RAB8B: variants seen among roughly 807,000 people sequenced by gnomAD.
RAB8B encodes ras-related protein Rab-8B.
RAB8B carries 11 observed loss-of-function variants against 32.0 expected under a neutral mutation model. The observed-to-expected ratio is 0.34, with a 90% CI of 0.22 to 0.57. The LOEUF is 0.57. Ranked by LOEUF, RAB8B falls within the 20% of genes least tolerant of loss-of-function variation. The pLI is 0.86. For missense variants in RAB8B, 190 were observed against 258.5 expected (o/e 0.73, Z 1.82); for synonymous variants, 103 against 89.6 (o/e 1.15, Z -0.85).
At chr15:63,223,721 GTGACTGTACTTGGTTGTTAAGTGACACA>G (rs1253403172) in intron 1 of RAB8B, 4 of 250,630 alleles carry the variant, frequency 1.6e-5, no homozygotes, top group Admixed American at 1.4e-4. Context: ...TAAGTGACAC[GTGACTGTACTTGGTTGTTAAGTGACACA>G]TGACTGTATT....
At chr15:63,234,059 T>C (rs1043214901) in intron 1 of RAB8B, among the ~76,000 whole-genome samples, 6 of 152,116 alleles carry the variant, frequency 3.9e-5, no homozygotes, top group Admixed American at 1.3e-4. Flanking sequence ...AAAACCTTAG[T>C]TGAAGGTCCC....
At position 63,259,058 on chromosome 15, in the gene RAB8B, T is replaced by G. The variant is rs985301197; in HGVS notation, c.415-569T>G. On this transcript the variant is annotated intron_variant, in intron 5 of 7. Coordinates refer to ENST00000321437, the MANE Select transcript of RAB8B (RefSeq NM_016530.3). The surrounding 1 kb of genome is among the most constrained non-coding windows in gnomAD (Gnocchi z 4.4). ...TAGGAGGGTGGGTATTTATCCCATATTAGAGAACTAAAAGTACAAAAACAG... is the reference window on the plus strand; with the variant it reads ...TAGGAGGGTGGGTATTTATCCCATAGTAGAGAACTAAAAGTACAAAAACAG... Among the ~76,000 whole-genome samples the G allele has an allele frequency of 2.6e-4, 39 of 152,220 alleles. No homozygotes were observed. The highest frequency in any genetic ancestry group is 9.1e-4 in the African/African-American group (38 of 41,550).
rs144053276 is a variant in RAB8B at position 63,266,350 on chromosome 15, C to T, written c.*2731C>T. The T allele has an allele frequency of 8.2e-3, 1,255 of 152,632 alleles. 27 individuals carry two copies. Among genetic ancestry groups the T allele is most frequent in the Non-Finnish European group, 7.1e-3 (483 of 67,986 alleles). 9.5% of individuals were successfully genotyped at this position (152,632 alleles called of 1,614,324 possible). On this transcript the variant is annotated 3_prime_UTR_variant, in exon 8 of 8. Coordinates refer to ENST00000321437, the MANE Select transcript of RAB8B (RefSeq NM_016530.3). Reference sequence around the variant, plus strand: ...TAAATCAGTTGATTGTAAAACGTTTCGCTGGGAACTTATTTTAGCTATATT... The same window carrying T: ...TAAATCAGTTGATTGTAAAACGTTTTGCTGGGAACTTATTTTAGCTATATT...
intron 1 of RAB8B, among the ~76,000 whole-genome samples, chr15:63,225,181 C>T (rs980454361): frequency 3.3e-5 from 5 of 152,188 alleles, no homozygotes; most frequent in Non-Finnish European, 7.3e-5. Flanking sequence ...GTTTGCTGAG[C>T]CTCTTAGCCT....
At chr15:63,218,861 C>G (rs2037815386) in intron 1 of RAB8B, among the ~76,000 whole-genome samples, 3 of 151,180 alleles carry the variant, frequency 2.0e-5, no homozygotes, top group Admixed American at 2.0e-4. Context: ...ACTTTACTCA[C>G]AAAATAGGAA....
In RAB8B at chr15:63,266,740, CT is replaced by C. The variant is rs1021618810; in HGVS notation, c.*3122del. ...TCCCTGTCTCCATTAATAAATTTAG[CT>C]GTGCAATATAGGTGCGTTTTTGCAG... On this transcript the variant is annotated 3_prime_UTR_variant, in exon 8 of 8. Coordinates refer to ENST00000321437, the MANE Select transcript of RAB8B (RefSeq NM_016530.3). 1.7e-4 allele frequency: 26 copies of C among 152,556 alleles called. No individual in the cohort carries two copies. The highest frequency in any genetic ancestry group is 5.5e-4 in the African/African-American group (23 of 41,550). 9.5% of individuals were successfully genotyped at this position (152,556 alleles called of 1,614,324 possible).
intron 2 of RAB8B, 63 bp from the exon 3 acceptor site, chr15:63,249,582 G>C (rs2038098170): frequency 6.8e-7 from 1 of 1,467,024 alleles, no homozygotes; most frequent in Admixed American, 1.7e-5. Context: ...CCTACAGCAG[G>C]GTTTCTCCTC....
At chr15:63,247,990 T>A (rs1310124066) in intron 2 of RAB8B, among the ~76,000 whole-genome samples, 1 of 152,220 alleles carries the variant, frequency 6.6e-6, no homozygotes, top group Non-Finnish European at 1.5e-5. Flanking sequence ...TTTACAGATT[T>A]AAAAAATTAC....
chr15:63,191,332 T>C lies in RAB8B; in HGVS notation c.124+1584T>C, dbSNP rs1214445819. On this transcript the variant is annotated intron_variant, in intron 1 of 7. Coordinates refer to ENST00000321437, the MANE Select transcript of RAB8B (RefSeq NM_016530.3). Reference sequence around the variant, plus strand: ...AGAGTATTTGGTATAGAACACTCTTTAAGTATTAGTAAAGGCTATGGTTTG... The same window carrying C: ...AGAGTATTTGGTATAGAACACTCTTCAAGTATTAGTAAAGGCTATGGTTTG... 2.6e-5 allele frequency among the ~76,000 whole-genome samples: 4 copies of C among 152,348 alleles called. No homozygotes were observed. The South Asian group carries it at 8.3e-4, about 32-fold the overall frequency.
chr15:63,229,679 G>T (rs2037918461), intron 1 of RAB8B, among the ~76,000 whole-genome samples: 1 of 150,016 alleles, frequency 6.7e-6, no homozygotes, highest in East Asian at 2.0e-4. Flanking sequence ...TACTCAGGAG[G>T]CTGAGGCACA....
intron 1 of RAB8B, among the ~76,000 whole-genome samples, chr15:63,239,834 AAG>A (rs2038017332): frequency 6.6e-6 from 1 of 152,192 alleles, no homozygotes; most frequent in Non-Finnish European, 1.5e-5. Flanking sequence ...TTAACTGGCA[AAG>A]AGAGGATGGA....
rs1389770327 is a variant in RAB8B at position 63,265,035 on chromosome 15, C to T, written c.*1416C>T. 1.3e-5 allele frequency: 2 copies of T among 152,582 alleles called. No individual in the cohort carries two copies. The highest frequency in any genetic ancestry group is 2.4e-5 in the African/African-American group (1 of 41,442). The allele number at this position is 152,582 out of a possible 1,614,324, so 9.5% of individuals were successfully genotyped here. A position where few individuals can be genotyped will look rare whatever the true frequency, so the allele number is the denominator to read the frequency against. ...GTGTGCCAAATTCAGATCACTATGTCGTTGTTGCTCTAGCCTTCAGTGTCA... is the reference window on the plus strand; with the variant it reads ...GTGTGCCAAATTCAGATCACTATGTTGTTGTTGCTCTAGCCTTCAGTGTCA... On this transcript the variant is annotated 3_prime_UTR_variant, in exon 8 of 8. Coordinates refer to ENST00000321437, the MANE Select transcript of RAB8B (RefSeq NM_016530.3). The surrounding 1 kb of genome is among the most constrained non-coding windows in gnomAD (Gnocchi z 4.9).
intron 4 of RAB8B, 94 bp from the exon 5 acceptor site, chr15:63,256,411 A>G (rs2038159050): frequency 2.3e-6 from 2 of 867,394 alleles, no homozygotes; most frequent in Non-Finnish European, 3.6e-6. Flanking sequence ...ATTATGTCTT[A>G]TTAAATTCAT....
At chr15:63,206,132 C>T (rs1289490561) in intron 1 of RAB8B, among the ~76,000 whole-genome samples, 2 of 152,116 alleles carry the variant, frequency 1.3e-5, no homozygotes, top group Admixed American at 6.5e-5. Flanking sequence ...CACATACATA[C>T]GTTTCAAAGG....
chr15:63,216,681 G>A (rs2037795173), intron 1 of RAB8B, among the ~76,000 whole-genome samples: 1 of 151,874 alleles, frequency 6.6e-6, no homozygotes. Context: ...CCAATATGAT[G>A]AAACCCTGTC....
chr15:63,224,194 A>T (rs530716856), intron 1 of RAB8B, among the ~76,000 whole-genome samples: 1 of 152,308 alleles, frequency 6.6e-6, no homozygotes, highest in East Asian at 1.9e-4. Context: ...TTTCCAACAT[A>T]GTTTCTTTCT....
In RAB8B at chr15:63,248,284, C is replaced by T. The variant is rs963106073; in HGVS notation, c.186-1361C>T. ...ATGCCAGCACGTTGGGAGGCCGAGG[C>T]GGGTAGATCACAAGGTCAGGAGTTT... On this transcript the variant is annotated intron_variant, in intron 2 of 7. Coordinates refer to ENST00000321437, the MANE Select transcript of RAB8B (RefSeq NM_016530.3). The surrounding 1 kb of genome is among the most constrained non-coding windows in gnomAD (Gnocchi z 4.4). Among the ~76,000 whole-genome samples, 7 of 152,106 alleles carry T rather than the reference C, an allele frequency of 4.6e-5. No homozygotes were observed. Among genetic ancestry groups the T allele is most frequent in the South Asian group, 2.1e-4 (1 of 4,826 alleles).
intron 6 of RAB8B, 132 bp from the exon 7 acceptor site, chr15:63,262,560 G>T: frequency 3.8e-6 from 1 of 260,840 alleles, no homozygotes; most frequent in East Asian, 9.2e-5. Context: ...GAGCCCAGGA[G>T]TTCCAATTCA....
At chr15:63,226,020 C>T (rs8023572) in intron 1 of RAB8B, among the ~76,000 whole-genome samples, 143,609 of 151,982 alleles carry the variant, frequency 0.94, 68,003 homozygotes, top group East Asian at 1. Flanking sequence ...TTTGTATTTT[C>T]TGTAGAGACG....
Sources: allele counts gnomAD v4.1 joint callset (sites outside exome capture counted in the v4.1 genomes callset), GRCh38; gene constraint gnomAD v4.1.1; non-coding constraint Gnocchi (gnomAD v3.1); transcripts MANE v1.5; gene names NCBI Gene and HGNC (gene_info 2026-07-23, HGNC 2026-07-21).